Variants in DNAJC16 observed in about 807,000 individuals in gnomAD.
DNAJC16 encodes the protein dnaJ homolog subfamily C member 16.
A neutral mutation model predicts 92.7 loss-of-function variants in DNAJC16; 76 were observed. That is an observed-to-expected ratio of 0.82 (90% CI 0.68 to 0.99). DNAJC16 has a LOEUF of 0.99. DNAJC16 is among the 50% of genes least tolerant of loss of function. DNAJC16 has a pLI of 0.00. For synonymous variants in DNAJC16, 328 were observed against 358.7 expected (o/e 0.91, Z 0.97); for missense variants, 869 against 942.4 (o/e 0.92, Z 1.02).
intron 4 of DNAJC16, among the ~76,000 whole-genome samples, chr1:15,542,820 G>GC (rs1385766357): frequency 6.6e-6 from 1 of 152,216 alleles, no homozygotes; most frequent in Non-Finnish European, 1.5e-5. Context: ...ATTGAGTTGG[G>GC]CATAGTGGCA....
intron 7 of DNAJC16, 90 bp from the exon 8 acceptor site, chr1:15,559,436 C>T (rs1318941667): frequency 6.4e-6 from 10 of 1,553,942 alleles, no homozygotes; most frequent in East Asian, 4.5e-5. Context: ...AGGTCAGCTA[C>T]GTTTTTATTA....
intron 7 of DNAJC16, among the ~76,000 whole-genome samples, chr1:15,550,229 G>C (rs185485283): frequency 4.6e-5 from 7 of 152,268 alleles, no homozygotes; most frequent in Admixed American, 4.6e-4. Context: ...CTCAATCCAG[G>C]GTAAATGGAT....
rs747562588 is a variant in DNAJC16, at chr1:15,567,882, A to G, written c.2054A>G (p.Tyr685Cys). 9 of 1,614,178 alleles carry G rather than the reference A, an allele frequency of 5.6e-6. No homozygotes were observed. Among genetic ancestry groups the G allele is most frequent in the Non-Finnish European group, 7.6e-6 (9 of 1,180,024 alleles). ...AQDAAPIPNQ[Y>C]DKHFMERDYT... ...GATGCAGCTCCAATCCCAAACCAAT[A>G]TGATAAGCATTTCATGGAGCGTGAC... is the stretch of plus-strand genomic sequence containing the variant. The change falls in exon 15 of 15, where the codon TAT (tyrosine) becomes TGT (cysteine). Residue 685 changes from tyrosine to cysteine, a missense_variant. By Grantham distance (194) the Tyr-to-Cys change is radical. Coordinates refer to ENST00000375847, the MANE Select transcript of DNAJC16 (RefSeq NM_015291.4).
At chr1:15,562,475 T>A in intron 9 of DNAJC16, 150 bp downstream of exon 9, 2 of 856,672 alleles carry the variant, frequency 2.3e-6, no homozygotes. Flanking sequence ...TTGTTTTTCC[T>A]TTTTCTTGAT....
Position 15,559,593 on chromosome 1 carries a change from G to C in DNAJC16, c.1091G>C (p.Arg364Thr). ...ITRNKYLLAARLTSQKLFHEL... is the reference protein window; with the variant it reads ...ITRNKYLLAATLTSQKLFHEL... ...CGAAACAAATATCTATTGGCAGCCA[G>C]GCTCACCAGCCAGAAGTTGTTCCAT... Residue 364 changes from arginine (R) to threonine (T), a missense_variant, in exon 8 of 15, where the codon AGG becomes ACG. Transcript: ENST00000375847. 1 of 1,614,188 alleles carries C rather than the reference G, an allele frequency of 6.2e-7. No homozygotes were observed. Among genetic ancestry groups the C allele is most frequent in the Non-Finnish European group, 8.5e-7 (1 of 1,180,034 alleles).
chr1:15,529,345 C>A, intron 2 of DNAJC16, 73 bp downstream of exon 2: 1 of 1,426,704 alleles, frequency 7.0e-7, no homozygotes, highest in Non-Finnish European at 9.5e-7. Context: ...TAAATTATGA[C>A]TAGCTTTTAT....
rs1270915624 is a variant in DNAJC16, at chr1:15,530,447, G to A, written c.167+1175G>A. Among the ~76,000 whole-genome samples the A allele has an allele frequency of 6.6e-5, 10 of 152,166 alleles. 1 individual carries two copies. The highest frequency in any genetic ancestry group is 1.5e-5 in the Non-Finnish European group (1 of 68,036). The stretch of plus-strand genomic sequence containing the variant: ...CTAAAACTTTGGACAAATATCATCA[G>A]TTTCTTCCACCAATGCCTTGGCCAT... On this transcript the variant is annotated intron_variant, in intron 2 of 14. Transcript: ENST00000375847.
rs1418382744 is a variant in DNAJC16 at position 15,527,491 on chromosome 1, T to C, written c.-19+533T>C. On this transcript the variant is annotated intron_variant, in intron 1 of 14. Transcript: ENST00000375847. ...ACATGATGATCCTTCAAGGTGGTAG[T>C]ATTCATTCCCATTTTATGAATAAGG... Among the ~76,000 whole-genome samples, 5 of 152,238 alleles carry C rather than the reference T, an allele frequency of 3.3e-5. No individual in the cohort carries two copies. The East Asian group carries it at 7.7e-4, about 23-fold the overall frequency.
Position 15,559,653 on chromosome 1 carries a change from G to A in DNAJC16, c.1151G>A (p.Arg384Lys). The A allele has an allele frequency of 6.2e-7, 1 of 1,613,920 alleles. No homozygotes were observed. The highest frequency in any genetic ancestry group is 8.5e-7 in the Non-Finnish European group (1 of 1,179,900). Residue 384 changes from arginine to lysine, a missense_variant, in exon 8 of 15, where the codon AGG (arginine) becomes AAG (lysine). Coordinates refer to ENST00000375847, the MANE Select transcript of DNAJC16 (RefSeq NM_015291.4). The part of the protein sequence containing the change: ...LCPVKRSHRQ[R>K]KYCVVLLTAE... ...CCTGTGAAACGGTCGCATCGACAGA[G>A]GAAGTAAGGACTTAAGGCTTTGCCT...
At chr1:15,556,504 G>A (rs895860053) in intron 7 of DNAJC16, among the ~76,000 whole-genome samples, 55 of 152,328 alleles carry the variant, frequency 3.6e-4, no homozygotes, top group Non-Finnish European at 7.5e-4. Flanking sequence ...GATTATAGGC[G>A]TGAGCCACCG....
At chr1:15,529,307 G>C (rs1710599468) in intron 2 of DNAJC16, 35 bp downstream of exon 2, 1 of 1,587,814 alleles carries the variant, frequency 6.3e-7, no homozygotes, top group Non-Finnish European at 8.6e-7. Context: ...TTTAACATAA[G>C]CTAAACAGTC....
At chr1:15,546,464 T>A (rs1186730214) in intron 5 of DNAJC16, among the ~76,000 whole-genome samples, 1 of 152,174 alleles carries the variant, frequency 6.6e-6, no homozygotes, top group Non-Finnish European at 1.5e-5. Context: ...GGCTAGTATA[T>A]TAAGAAGTAT....
At chr1:15,546,714 A>C in intron 5 of DNAJC16, 53 bp from the exon 6 acceptor site, 2 of 1,413,210 alleles carry the variant, frequency 1.4e-6, no homozygotes, top group Non-Finnish European at 9.9e-7. Context: ...CTGGAGTATA[A>C]TACAATTGTT....
At chr1:15,566,496 C>T in intron 13 of DNAJC16, 1 of 307,724 alleles carries the variant, frequency 3.2e-6, no homozygotes, top group Non-Finnish European at 6.1e-6. Flanking sequence ...CACACACACC[C>T]AGCAGCAAGA....
chr1:15,552,454 A>C (rs1309601352), intron 7 of DNAJC16, among the ~76,000 whole-genome samples: 1 of 151,694 alleles, frequency 6.6e-6, no homozygotes, highest in Non-Finnish European at 1.5e-5. Flanking sequence ...GCGCCACTGC[A>C]CTCCAGCCTG....
At chr1:15,531,787 CTAT>C (rs1403028504) in intron 2 of DNAJC16, among the ~76,000 whole-genome samples, 1 of 152,162 alleles carries the variant, frequency 6.6e-6, no homozygotes, top group Non-Finnish European at 1.5e-5. Context: ...TTTTGCTCTA[CTAT>C]TATTTTCTGC....
rs1213642464 is a variant in DNAJC16 at position 15,566,117 on chromosome 1, A to C, written c.1715A>C (p.Glu572Ala). ...SNDERESSPP[E>A]KEEAQEKTGK... ...GATGAGCGAGAGTCAAGCCCTCCAG[A>C]AAAAGAGGAAGCCCAAGAGAAGACT... The change falls in exon 13 of 15, where the codon GAA becomes GCA. Residue 572 changes from glutamate (E) to alanine (A), a missense_variant. Transcript: ENST00000375847. 1.2e-6 allele frequency: 2 copies of C among 1,614,006 alleles called. No homozygotes were observed. The highest frequency in any genetic ancestry group is 3.3e-5 in the Admixed American group (2 of 59,984).
rs913355603 is a variant in DNAJC16, at chr1:15,536,602, T to G, written c.362T>G (p.Phe121Cys). 3 of 1,614,080 alleles carry G rather than the reference T, an allele frequency of 1.9e-6. No individual in the cohort carries two copies. The highest frequency in any genetic ancestry group is 1.3e-5 in the African/African-American group (1 of 74,928). The part of the protein sequence containing the change: ...RFRHFHENFY[F>C]DESFFHFPFN... The stretch of plus-strand genomic sequence containing the variant: ...CGCCATTTCCATGAAAATTTTTATT[T>G]TGATGAATCCTTTTTTCACTTCCCT... The change falls in exon 4 of 15, where the codon TTT becomes TGT. Residue 121 changes from phenylalanine to cysteine, a missense_variant. Physicochemically the swap from Phe to Cys is radical, Grantham distance 205. Transcript: ENST00000375847.
chr1:15,561,502 T>G (rs1241322132), intron 8 of DNAJC16, among the ~76,000 whole-genome samples: 1 of 151,924 alleles, frequency 6.6e-6, no homozygotes, highest in East Asian at 1.9e-4. Context: ...CTGGCCAACA[T>G]AGTGAAAACC....
Sources: gnomAD v4.1 joint callset for allele counts (sites outside exome capture counted in the v4.1 genomes callset) on GRCh38, gnomAD v4.1.1 for gene constraint, MANE v1.5 for transcripts, NCBI Gene and HGNC (gene_info 2026-07-23, HGNC 2026-07-21) for gene names.